The following DLGAP2 variants were observed in gnomAD, a reference collection of about 807,000 sequenced individuals.
DLGAP2 encodes disks large-associated protein 2.
DLGAP2 carries 26 observed loss-of-function variants against 100.3 expected under a neutral mutation model. The ratio of observed to expected loss-of-function variants is 0.26; its 90% confidence interval spans 0.19 to 0.36. The LOEUF (loss-of-function observed/expected upper bound fraction) is 0.36, where lower values mean the gene tolerates loss of function less well. Ranked by LOEUF, DLGAP2 falls within the 10% of genes least tolerant of loss-of-function variation. DLGAP2 has a pLI of 1.00. For missense variants in DLGAP2, 1,858 were observed against 1,453.2 expected, an observed-to-expected ratio of 1.28 and a Z score of -4.53; for synonymous variants, 886 against 630.1, an observed-to-expected ratio of 1.41 and a Z score of -6.08.
chr8:901,908 G>C lies in DLGAP2; in HGVS notation c.19-6004G>C, dbSNP rs910224059. Among the ~76,000 whole-genome samples, 6 of 152,230 alleles carry C rather than the reference G, an allele frequency of 3.9e-5. No homozygotes were observed. The East Asian group carries it at 1.2e-3, about 29-fold the overall frequency. ...TTCCAGGGCTTCGCTGGACATCTGT[G>C]GCTCAGTTTGGATCCTCCGGGATGG... is the stretch of plus-strand genomic sequence containing the variant. On this transcript the variant is annotated intron_variant, in intron 1 of 14. Transcript: ENST00000637795.
At chr8:768,418 A>ATTTTTT (rs58234397) in intron 1 of DLGAP2, among the ~76,000 whole-genome samples, 7 of 99,958 alleles carry the variant, frequency 7.0e-5, no homozygotes, top group Admixed American at 1.2e-4. Context: ...GAAGGCGTTG[A>ATTTTTT]TTTTTTTTTT....
chr8:1,254,571 G>A (rs191245808), intron 2 of DLGAP2, among the ~76,000 whole-genome samples: 1 of 152,246 alleles, frequency 6.6e-6, no homozygotes, highest in Middle Eastern at 3.4e-3. Context: ...GGAAAATCAC[G>A]ATCTATGGCC....
At chr8:771,843 G>A (rs891766720) in intron 1 of DLGAP2, among the ~76,000 whole-genome samples, 11 of 152,212 alleles carry the variant, frequency 7.2e-5, no homozygotes, top group Non-Finnish European at 1.0e-4. Context: ...AGTGTGGAGC[G>A]TGTCCTTCTA....
chr8:1,120,179 C>G (rs541247756), intron 2 of DLGAP2, among the ~76,000 whole-genome samples: 8 of 151,712 alleles, frequency 5.3e-5, no homozygotes, highest in African/African-American at 1.9e-4. Flanking sequence ...GGGTTCAGCC[C>G]CTTCATTTAT....
rs1302583672 is a variant in DLGAP2 at position 1,695,320 on chromosome 8, G to C, written c.2797-1827G>C. On this transcript the variant is annotated intron_variant, in intron 13 of 14. Coordinates refer to ENST00000637795, the MANE Select transcript of DLGAP2 (RefSeq NM_001346810.2). The stretch of plus-strand genomic sequence containing the variant: ...AGTCATGCCCGGCCCTACAGAAAGG[G>C]GGCACAGCCATGCCCGGCCCTACAG... Among the ~76,000 whole-genome samples, 23 of 145,734 alleles carry C rather than the reference G, an allele frequency of 1.6e-4. 1 individual carries two copies.
chr8:1,503,162 C>T (rs2130331377), intron 4 of DLGAP2, among the ~76,000 whole-genome samples: 1 of 152,094 alleles, frequency 6.6e-6, no homozygotes, highest in East Asian at 1.9e-4. Context: ...TTCATCTTAG[C>T]CCTTTGTAAG....
At chr8:1,520,848 G>C (rs1189030436) in intron 4 of DLGAP2, among the ~76,000 whole-genome samples, 3 of 152,198 alleles carry the variant, frequency 2.0e-5, no homozygotes, top group Admixed American at 2.0e-4. Context: ...GTGGATGTAA[G>C]TTTTGAGCTT....
chr8:771,842 C>T (rs577455468), intron 1 of DLGAP2, among the ~76,000 whole-genome samples: 1 of 152,318 alleles, frequency 6.6e-6, no homozygotes, highest in African/African-American at 2.4e-5. Context: ...CAGTGTGGAG[C>T]GTGTCCTTCT....
At chr8:855,672 G>C (rs1041935035) in intron 1 of DLGAP2, among the ~76,000 whole-genome samples, 8 of 152,184 alleles carry the variant, frequency 5.3e-5, no homozygotes, top group African/African-American at 1.9e-4. Flanking sequence ...CAGGAAGTGG[G>C]ATCATCGGTT....
chr8:873,593 AT>A (rs1797638019), intron 1 of DLGAP2, among the ~76,000 whole-genome samples: 1 of 152,004 alleles, frequency 6.6e-6, no homozygotes, highest in South Asian at 2.1e-4. Flanking sequence ...TTTGTTGAGG[AT>A]TTTTTAATCT....
intron 2 of DLGAP2, among the ~76,000 whole-genome samples, chr8:1,121,555 C>A (rs1235135635): frequency 6.6e-6 from 1 of 151,890 alleles, no homozygotes; most frequent in Non-Finnish European, 1.5e-5. Flanking sequence ...TCATGACCAC[C>A]CATCTTCTTC....
chr8:1,523,971 C>T (rs78136422), intron 4 of DLGAP2, among the ~76,000 whole-genome samples: 2,350 of 152,282 alleles, frequency 0.015, 63 homozygotes, highest in African/African-American at 0.054. Context: ...GTCCAGAATT[C>T]GTTTGGAGAC....
chr8:978,780 G>A (rs1238426297), intron 2 of DLGAP2, among the ~76,000 whole-genome samples: 2 of 152,174 alleles, frequency 1.3e-5, no homozygotes, highest in Admixed American at 1.3e-4. Flanking sequence ...TTCCCCAGAA[G>A]TGAATGAAGA....
intron 2 of DLGAP2, among the ~76,000 whole-genome samples, chr8:1,212,933 A>G (rs1055104062): frequency 2.0e-5 from 3 of 152,136 alleles, no homozygotes; most frequent in Admixed American, 6.6e-5. Flanking sequence ...TGCTCTTCAT[A>G]TAGATCAGAA....
At chr8:849,800 G>A (rs374925510) in intron 1 of DLGAP2, among the ~76,000 whole-genome samples, 4 of 152,076 alleles carry the variant, frequency 2.6e-5, no homozygotes, top group Non-Finnish European at 4.4e-5. Flanking sequence ...TAGGTTGCCC[G>A]GGCACGGTGG....
intron 3 of DLGAP2, among the ~76,000 whole-genome samples, chr8:1,364,301 G>T (rs1281483354): frequency 6.6e-6 from 1 of 152,176 alleles, no homozygotes; most frequent in African/African-American, 2.4e-5. Flanking sequence ...GCTCCAGGTG[G>T]GGACAGAGCT....
chr8:838,224 T>C (rs1322432290), intron 1 of DLGAP2, among the ~76,000 whole-genome samples: 1 of 152,074 alleles, frequency 6.6e-6, no homozygotes, highest in Non-Finnish European at 1.5e-5. Context: ...CCTTTTAAGT[T>C]CTTAATGTTT....
At chr8:1,268,816 TCTCA>T (rs1799521908) in intron 3 of DLGAP2, among the ~76,000 whole-genome samples, 2 of 152,154 alleles carry the variant, frequency 1.3e-5, no homozygotes, top group African/African-American at 4.8e-5. Context: ...TGTTCTGGGG[TCTCA>T]CTCTGACTTG....
At chr8:1,498,379 T>TA (rs55865222) in intron 3 of DLGAP2, among the ~76,000 whole-genome samples, 145 of 148,942 alleles carry the variant, frequency 9.7e-4, no homozygotes, top group African/African-American at 2.8e-3. Flanking sequence ...GCAAAATAAA[T>TA]AAAAAAAAAA....
Sources: allele counts gnomAD v4.1 joint callset (sites outside exome capture counted in the v4.1 genomes callset), GRCh38; gene constraint gnomAD v4.1.1; transcripts MANE v1.5; gene names NCBI Gene and HGNC (gene_info 2026-07-23, HGNC 2026-07-21).